Variants in DYNLT2B observed in about 807,000 individuals in gnomAD.
The protein encoded by DYNLT2B is dynein light chain Tctex-type 2B.
DYNLT2B carries 14 observed loss-of-function variants against 19.5 expected under a neutral mutation model. The observed-to-expected ratio is 0.72, with a 90% CI of 0.47 to 1.12. DYNLT2B has a LOEUF of 1.12. Ranked by LOEUF, DYNLT2B falls within the 50% of genes most tolerant of loss-of-function variation. DYNLT2B has a pLI of 0.00. For missense variants in DYNLT2B, 133 were observed against 174.7 expected (o/e 0.76, Z 1.35); for synonymous variants, 70 against 59.7 (o/e 1.17, Z -0.79).
intron 3 of DYNLT2B, among the ~76,000 whole-genome samples, chr3:196,303,070 C>T (rs1726396338): frequency 6.6e-6 from 1 of 152,118 alleles, no homozygotes; most frequent in South Asian, 2.1e-4. Context: ...ATTTTGCAGA[C>T]CCTGCACTTG....
At position 196,318,069 on chromosome 3, in the gene DYNLT2B, G is replaced by T; in HGVS notation, c.84C>A (p.Thr28=). 1 of 1,563,230 alleles carries T rather than the reference G, an allele frequency of 6.4e-7. No homozygotes were observed. Among genetic ancestry groups the T allele is most frequent in the Non-Finnish European group, 8.6e-7 (1 of 1,159,086 alleles). ...GCTGGAAAACAGGCCGCAGAATATA[G>T]GTGTTCTCGGGCTCCCCTGCGTTCT... The part of the protein sequence containing the change: ...AEKNAGEPEN[T]YILRPVFQQR... The change falls in exon 1 of 5, where the codon ACC becomes ACA. Residue 28 remains threonine (T), a synonymous_variant. Transcript: ENST00000325318.
At chr3:196,309,694 A>G (rs1726583094) in intron 2 of DYNLT2B, among the ~76,000 whole-genome samples, 1 of 151,720 alleles carries the variant, frequency 6.6e-6, no homozygotes, top group Admixed American at 6.6e-5. Context: ...GGTGGCCCAC[A>G]CCTGTAATCC....
intron 3 of DYNLT2B, among the ~76,000 whole-genome samples, chr3:196,299,177 C>T (rs1037560829): frequency 2.0e-5 from 3 of 151,912 alleles, no homozygotes; most frequent in Admixed American, 6.6e-5. Flanking sequence ...CACAACCTCC[C>T]GGGTTGAAGC....
intron 3 of DYNLT2B, among the ~76,000 whole-genome samples, chr3:196,304,128 GTTTTTTTA>G (rs752628576): frequency 7.2e-5 from 11 of 151,840 alleles, no homozygotes; most frequent in South Asian, 2.1e-4. Context: ...TAAAAACTTG[GTTTTTTTA>G]TTTTTTTATT....
At chr3:196,315,120 C>T in intron 2 of DYNLT2B, 1 of 368,214 alleles carries the variant, frequency 2.7e-6, no homozygotes, top group African/African-American at 2.2e-5. Flanking sequence ...TCACTCTTTT[C>T]CCCCATCTGC....
At chr3:196,292,708 TG>T (rs573214471) in intron 4 of DYNLT2B, among the ~76,000 whole-genome samples, 38 of 152,216 alleles carry the variant, frequency 2.5e-4, no homozygotes, top group Middle Eastern at 3.4e-3. Context: ...TGCACCCCAC[TG>T]TGAGTGGCCC....
At chr3:196,304,795 A>G (rs1045393696) in intron 3 of DYNLT2B, among the ~76,000 whole-genome samples, 1 of 152,150 alleles carries the variant, frequency 6.6e-6, no homozygotes, top group Admixed American at 6.6e-5. Flanking sequence ...AGGACATACC[A>G]TCTTAAATTG....
intron 2 of DYNLT2B, chr3:196,315,207 T>G: frequency 2.3e-6 from 1 of 427,006 alleles, no homozygotes; most frequent in Non-Finnish European, 4.6e-6. Flanking sequence ...TTTAATAGAA[T>G]CCACAGCTAA....
chr3:196,296,322 C>T, intron 3 of DYNLT2B: 3 of 405,982 alleles, frequency 7.4e-6, no homozygotes, highest in Non-Finnish European at 1.3e-5. Flanking sequence ...CAGACCCTAC[C>T]TGATGGCTAC....
chr3:196,299,550 A>C (rs1726299713), intron 3 of DYNLT2B, among the ~76,000 whole-genome samples: 1 of 152,128 alleles, frequency 6.6e-6, no homozygotes, highest in Admixed American at 6.5e-5. Flanking sequence ...AAAGCTAAGG[A>C]GGTAAAATCA....
chr3:196,292,087 T>C (rs1037305835), intron 4 of DYNLT2B, among the ~76,000 whole-genome samples: 1 of 152,240 alleles, frequency 6.6e-6, no homozygotes, highest in Non-Finnish European at 1.5e-5. Flanking sequence ...GTATCACTGA[T>C]AATAAGAACA....
chr3:196,316,280 G>T, intron 1 of DYNLT2B, 49 bp from the exon 2 acceptor site: 1 of 1,552,102 alleles, frequency 6.4e-7, no homozygotes, highest in Non-Finnish European at 8.7e-7. Context: ...CACAACCCCA[G>T]CTTACCTTCA....
intron 3 of DYNLT2B, 75 bp downstream of exon 3, chr3:196,306,868 C>T (rs1726502009): frequency 1.5e-6 from 2 of 1,369,780 alleles, no homozygotes; most frequent in South Asian, 2.4e-5. Context: ...GGCACTCTTA[C>T]TGAATTGTCC....
intron 4 of DYNLT2B, among the ~76,000 whole-genome samples, chr3:196,295,133 A>G (rs145363965): frequency 2.0e-5 from 3 of 152,172 alleles, no homozygotes; most frequent in African/African-American, 7.2e-5. Context: ...TAGAGGATGC[A>G]ATCCTTTCTG....
chr3:196,302,206 C>G (rs1387734889), intron 3 of DYNLT2B, among the ~76,000 whole-genome samples: 3 of 152,120 alleles, frequency 2.0e-5, no homozygotes, highest in African/African-American at 7.2e-5. Context: ...ACCAAACATA[C>G]ATGTAACCTA....
intron 2 of DYNLT2B, among the ~76,000 whole-genome samples, chr3:196,307,788 T>C (rs867903854): frequency 1.2e-4 from 18 of 149,900 alleles, no homozygotes; most frequent in African/African-American, 2.2e-4. Flanking sequence ...CAAAGGAAAA[T>C]AGAAAAATAG....
At chr3:196,313,518 T>C (rs1726694550) in intron 2 of DYNLT2B, among the ~76,000 whole-genome samples, 1 of 152,126 alleles carries the variant, frequency 6.6e-6, no homozygotes, top group South Asian at 2.1e-4. Context: ...TGTTTATTGG[T>C]GGTGGCATTC....
At chr3:196,291,639 A>G (rs749011606) in intron 4 of DYNLT2B, among the ~76,000 whole-genome samples, 7 of 152,068 alleles carry the variant, frequency 4.6e-5, no homozygotes, top group Non-Finnish European at 8.8e-5. Context: ...CCACCATACC[A>G]GGCTAATTTT....
intron 3 of DYNLT2B, among the ~76,000 whole-genome samples, chr3:196,297,404 A>G (rs569468052): frequency 2.0e-5 from 3 of 152,218 alleles, no homozygotes; most frequent in Admixed American, 2.0e-4. Context: ...ACACGCCTGT[A>G]ATCCCAGCTA....
Sources: allele counts gnomAD v4.1 joint callset (sites outside exome capture counted in the v4.1 genomes callset), GRCh38; gene constraint gnomAD v4.1.1; transcripts MANE v1.5; gene names NCBI Gene and HGNC (gene_info 2026-07-23, HGNC 2026-07-21).